KLHL2: variants seen among roughly 807,000 people sequenced by gnomAD.
KLHL2 encodes the protein kelch like family member 2.
In KLHL2, 15 loss-of-function variants were observed where a neutral mutation model predicts 75.8. That is an observed-to-expected ratio of 0.20 (90% confidence interval 0.13 to 0.30). The LOEUF (loss-of-function observed/expected upper bound fraction) is 0.30. Among genes scored for constraint, KLHL2 ranks in the 10% least tolerant of loss-of-function variants. The pLI is 1.00. For synonymous variants in KLHL2, 214 were observed against 251.9 expected, an observed-to-expected ratio of 0.85 and a Z score of 1.42; for missense variants, 381 against 741.0, an observed-to-expected ratio of 0.51 and a Z score of 5.64.
intron 5 of KLHL2, among the ~76,000 whole-genome samples, chr4:165,292,611 G>A (rs553512935): frequency 3.3e-5 from 5 of 152,268 alleles, no homozygotes; most frequent in East Asian, 1.9e-4. Context: ...GAGATTACAG[G>A]CGTGAGCCAC....
chr4:165,283,261 A>G (rs1396605823), intron 5 of KLHL2, among the ~76,000 whole-genome samples: 1 of 152,190 alleles, frequency 6.6e-6, no homozygotes, highest in East Asian at 1.9e-4. Context: ...ACAGTCCCCC[A>G]AAGTCTTAAC....
intron 3 of KLHL2, among the ~76,000 whole-genome samples, chr4:165,235,096 A>T (rs1480011899): frequency 6.6e-6 from 1 of 152,272 alleles, no homozygotes; most frequent in Non-Finnish European, 1.5e-5. Flanking sequence ...CTGAAATCCT[A>T]CATAGCTAGA....
At chr4:165,286,740 GTC>G (rs1027162845) in intron 5 of KLHL2, among the ~76,000 whole-genome samples, 1 of 152,226 alleles carries the variant, frequency 6.6e-6, no homozygotes, top group Non-Finnish European at 1.5e-5. Flanking sequence ...CTCTTGAGAA[GTC>G]TGGTGTGGAG....
chr4:165,316,931 A>G (rs1326445907), intron 13 of KLHL2, among the ~76,000 whole-genome samples: 3 of 152,220 alleles, frequency 2.0e-5, no homozygotes, highest in South Asian at 2.1e-4. Flanking sequence ...GTATATATGC[A>G]TGGAGAAAAG....
At chr4:165,214,323 A>C (rs906216665) in intron 1 of KLHL2, among the ~76,000 whole-genome samples, 9 of 152,198 alleles carry the variant, frequency 5.9e-5, no homozygotes, top group Admixed American at 3.9e-4. Flanking sequence ...TTAGCACCTC[A>C]CAAATATCCC....
chr4:165,306,262 T>C (rs964763029), intron 9 of KLHL2, among the ~76,000 whole-genome samples: 6 of 152,252 alleles, frequency 3.9e-5, no homozygotes, highest in Admixed American at 2.0e-4. Context: ...CTGTATGTAA[T>C]GGAACGTTTC....
At chr4:165,262,754 T>G (rs768656402) in intron 4 of KLHL2, among the ~76,000 whole-genome samples, 36 of 152,068 alleles carry the variant, frequency 2.4e-4, no homozygotes, top group Non-Finnish European at 4.6e-4. Flanking sequence ...AATTTTTATA[T>G]TTTTTGTAGA....
intron 3 of KLHL2, among the ~76,000 whole-genome samples, chr4:165,233,818 A>G (rs1315706385): frequency 6.6e-6 from 1 of 152,212 alleles, no homozygotes; most frequent in Non-Finnish European, 1.5e-5. Flanking sequence ...TGCACAAAGA[A>G]CTTAAGTTGG....
intron 5 of KLHL2, among the ~76,000 whole-genome samples, chr4:165,264,704 G>GTGTATATATATATATATACA (rs1323043527): frequency 1.2e-5 from 1 of 82,846 alleles, no homozygotes; most frequent in South Asian, 4.5e-4. Context: ...GTGTGTGTGT[G>GTGTATATATATATATATACA]TATATATATA....
At chr4:165,216,307 A>G (rs184652193) in intron 1 of KLHL2, among the ~76,000 whole-genome samples, 12 of 152,332 alleles carry the variant, frequency 7.9e-5, no homozygotes, top group Middle Eastern at 3.4e-3. Flanking sequence ...TAGGATATCT[A>G]TGATAAAACA....
At chr4:165,285,218 G>T (rs1743995334) in intron 5 of KLHL2, among the ~76,000 whole-genome samples, 1 of 152,132 alleles carries the variant, frequency 6.6e-6, no homozygotes, top group African/African-American at 2.4e-5. Flanking sequence ...TGTGTCAGGT[G>T]ACCTTTCAGA....
chr4:165,240,573 G>A (rs1271153459), intron 4 of KLHL2: 4 of 151,148 alleles, frequency 2.6e-5, no homozygotes, highest in Non-Finnish European at 5.9e-5. Flanking sequence ...AAAGTGTTTG[G>A]TATATGTCAT....
chr4:165,314,289 T>G, intron 13 of KLHL2, 123 bp downstream of exon 13: 1 of 901,326 alleles, frequency 1.1e-6, no homozygotes, highest in South Asian at 1.8e-5. Context: ...GGTTCCCTGA[T>G]AGACTCTGAA....
chr4:165,278,698 G>GT, intron 5 of KLHL2: 5 of 1,604,106 alleles, frequency 3.1e-6, no homozygotes, highest in Non-Finnish European at 4.3e-6. Flanking sequence ...CTTCCAAAGC[G>GT]TAATATACCG....
intron 13 of KLHL2, among the ~76,000 whole-genome samples, chr4:165,316,969 A>G (rs1746632914): frequency 6.6e-6 from 1 of 152,130 alleles, no homozygotes; most frequent in Non-Finnish European, 1.5e-5. Flanking sequence ...CAAAATTTTA[A>G]TGGTCATTAT....
At chr4:165,284,255 T>C (rs1055103978) in intron 5 of KLHL2, among the ~76,000 whole-genome samples, 1 of 152,238 alleles carries the variant, frequency 6.6e-6, no homozygotes, top group African/African-American at 2.4e-5. Context: ...TCTTTTCTAT[T>C]GTATTGTCAG....
At chr4:165,211,849 G>C (rs1171900483) in intron 1 of KLHL2, among the ~76,000 whole-genome samples, 3 of 152,128 alleles carry the variant, frequency 2.0e-5, no homozygotes, top group African/African-American at 7.2e-5. Flanking sequence ...CCTACTCCCT[G>C]CAAAATGCCC....
At chr4:165,220,762 G>C (rs1737919586) in intron 2 of KLHL2, among the ~76,000 whole-genome samples, 1 of 152,176 alleles carries the variant, frequency 6.6e-6, no homozygotes. Flanking sequence ...TGTTTTGTGG[G>C]AGTGGTGGTA....
At chr4:165,251,299 A>G (rs1740681777) in intron 4 of KLHL2, among the ~76,000 whole-genome samples, 1 of 151,848 alleles carries the variant, frequency 6.6e-6, no homozygotes, top group Non-Finnish European at 1.5e-5. Flanking sequence ...CTAATTTATT[A>G]TTATCCAGAG....
Sources: allele counts gnomAD v4.1 joint callset (sites outside exome capture counted in the v4.1 genomes callset), GRCh38; gene constraint gnomAD v4.1.1; transcripts MANE v1.5; gene names NCBI Gene and HGNC (gene_info 2026-07-23, HGNC 2026-07-21).